The following ATP8A2 variants were observed in gnomAD, a reference collection of about 807,000 sequenced individuals.
ATP8A2 encodes ATPase phospholipid transporting 8A2, also known as phospholipid-transporting ATPase IB.
In ATP8A2, 100 loss-of-function variants were observed where a neutral mutation model predicts 165.6. The ratio of observed to expected loss-of-function variants is 0.60; its 90% CI spans 0.51 to 0.71. The LOEUF is 0.71. ATP8A2 is among the 30% of genes least tolerant of loss of function. The pLI, the probability that ATP8A2 is intolerant of heterozygous loss-of-function variation, is 0.00. For missense variants in ATP8A2, 1,227 were observed against 1,479.5 expected, an observed-to-expected ratio of 0.83 and a Z score of 2.80; for synonymous variants, 543 against 548.8, an observed-to-expected ratio of 0.99 and a Z score of 0.15.
chr13:25,482,708 C>T (rs2036241352), intron 2 of ATP8A2, among the ~76,000 whole-genome samples: 3 of 152,108 alleles, frequency 2.0e-5, no homozygotes, highest in Non-Finnish European at 4.4e-5. Context: ...GGGGCGGTTT[C>T]CCCCATACTA....
chr13:25,780,014 A>G (rs1442386001), intron 27 of ATP8A2, among the ~76,000 whole-genome samples: 1 of 152,218 alleles, frequency 6.6e-6, no homozygotes, highest in Non-Finnish European at 1.5e-5. Context: ...CAGCATTTTA[A>G]GCATGTATTA....
chr13:25,829,971 A>C (rs1951421936), intron 28 of ATP8A2, among the ~76,000 whole-genome samples: 1 of 150,784 alleles, frequency 6.6e-6, no homozygotes, highest in Non-Finnish European at 1.5e-5. Context: ...CCCACCCCAG[A>C]TTAACAAAGA....
At chr13:25,454,151 C>T (rs773206333) in intron 1 of ATP8A2, among the ~76,000 whole-genome samples, 2 of 152,148 alleles carry the variant, frequency 1.3e-5, no homozygotes, top group African/African-American at 2.4e-5. Flanking sequence ...GGGCGAACTG[C>T]GTGGTCTCTT....
chr13:25,621,762 A>G (rs1192422543), intron 24 of ATP8A2, among the ~76,000 whole-genome samples: 1 of 152,230 alleles, frequency 6.6e-6, no homozygotes, highest in Non-Finnish European at 1.5e-5. Flanking sequence ...ACAAATTTGC[A>G]CTGAATTTAG....
intron 33 of ATP8A2, among the ~76,000 whole-genome samples, chr13:25,903,963 G>A (rs941149383): frequency 2.0e-5 from 3 of 151,994 alleles, no homozygotes; most frequent in Non-Finnish European, 2.9e-5. Flanking sequence ...AATCTTCTGG[G>A]GAGCATTTAA....
chr13:25,953,345 G>T lies in ATP8A2; in HGVS notation c.3184-8230G>T, dbSNP rs780657263. Among the ~76,000 whole-genome samples the T allele has an allele frequency of 2.0e-4, 31 of 151,784 alleles. 1 individual carries two copies. Among genetic ancestry groups the T allele is most frequent in the South Asian group, 1.2e-3 (6 of 4,812 alleles). Reference sequence around the variant, plus strand: ...TCTTCTGTAAAATGGGGACGGGGGGGATTAAATAAAATGCTTTATGGGAAG... The same window carrying T: ...TCTTCTGTAAAATGGGGACGGGGGGTATTAAATAAAATGCTTTATGGGAAG... On this transcript the variant is annotated intron_variant, in intron 33 of 36. Transcript: ENST00000381655. The surrounding 1 kb of genome is among the most constrained non-coding windows in gnomAD (Gnocchi z 6.7).
intron 22 of ATP8A2, among the ~76,000 whole-genome samples, chr13:25,581,153 T>A (rs2039765202): frequency 6.6e-6 from 1 of 152,112 alleles, no homozygotes; most frequent in Non-Finnish European, 1.5e-5. Context: ...CAAGTAGAGG[T>A]GCTATGTCCT....
At chr13:25,384,162 G>T (rs2032955585) in intron 1 of ATP8A2, among the ~76,000 whole-genome samples, 1 of 152,162 alleles carries the variant, frequency 6.6e-6, no homozygotes, top group Admixed American at 6.5e-5. Flanking sequence ...CTCCTACCCA[G>T]ATTTGCTGAT....
In ATP8A2 at chr13:25,829,724, C is replaced by T. The variant is rs561338268; in HGVS notation, c.2754+1532C>T. 5.1e-5 allele frequency among the ~76,000 whole-genome samples: 4 copies of T among 78,016 alleles called. No homozygotes were observed. In the South Asian group the frequency reaches 1.8e-3, roughly 34 times the overall value. 51.2% of individuals were successfully genotyped at this position (78,016 alleles called of 152,430 possible). On this transcript the variant is annotated intron_variant, in intron 28 of 36. Transcript: ENST00000381655. ...TATATATATATATATATATATATCA[C>T]CTGCTTATAGTATGAGTGGATTTTA...
chr13:25,707,059 G>T (rs1566065479), intron 25 of ATP8A2, among the ~76,000 whole-genome samples: 2 of 152,090 alleles, frequency 1.3e-5, no homozygotes, highest in Non-Finnish European at 2.9e-5. Context: ...TCCACCCACA[G>T]ATCTTACCAT....
At chr13:25,623,698 T>C (rs532629582) in intron 24 of ATP8A2, among the ~76,000 whole-genome samples, 1 of 152,316 alleles carries the variant, frequency 6.6e-6, no homozygotes, top group East Asian at 1.9e-4. Context: ...GGGAGAATTT[T>C]ATCCTGATGG....
At chr13:25,975,032 CCT>C (rs1956001427) in intron 35 of ATP8A2, among the ~76,000 whole-genome samples, 1 of 152,184 alleles carries the variant, frequency 6.6e-6, no homozygotes, top group Non-Finnish European at 1.5e-5. Flanking sequence ...TTCCACCTCC[CCT>C]GTCCTCCCCA....
chr13:25,887,265 A>G (rs1953186821), intron 33 of ATP8A2, among the ~76,000 whole-genome samples: 1 of 152,134 alleles, frequency 6.6e-6, no homozygotes, highest in South Asian at 2.1e-4. Flanking sequence ...TTATGTATGA[A>G]TATTCTACTT....
rs2038492305 is a variant in ATP8A2, at chr13:25,541,965, A to T, written c.698A>T (p.Lys233Met). 1 of 1,613,962 alleles carries T rather than the reference A, an allele frequency of 6.2e-7. No homozygotes were observed. The highest frequency in any genetic ancestry group is 8.5e-7 in the Non-Finnish European group (1 of 1,179,982). ...ADMQTREVLM[K>M]LSGTIECEGP... ...ATGCAAACACGTGAAGTTCTGATGA[A>T]GTTATCTGGAACTATAGAGTGTGAA... The change falls in exon 9 of 37, where the codon AAG (lysine) becomes ATG (methionine). Residue 233 changes from lysine to methionine, a missense_variant. Physicochemically the swap from Lys to Met is moderately conservative, Grantham distance 95. Coordinates refer to ENST00000381655, the MANE Select transcript of ATP8A2 (RefSeq NM_016529.6).
chr13:25,995,983 G>A (rs74039946), intron 35 of ATP8A2, among the ~76,000 whole-genome samples: 2,929 of 152,236 alleles, frequency 0.019, 82 homozygotes, highest in African/African-American at 0.06. Context: ...ATTCAGGATT[G>A]CTATGTATTC....
intron 35 of ATP8A2, among the ~76,000 whole-genome samples, chr13:25,975,431 A>AT (rs1333068935): frequency 6.6e-6 from 1 of 151,322 alleles, no homozygotes; most frequent in Non-Finnish European, 1.5e-5. Flanking sequence ...CAAAAAAAAA[A>AT]ATTAGCCGGG....
chr13:26,019,797 C>CA (rs1406005937), intron 36 of ATP8A2, 91 bp from the exon 37 acceptor site: 7 of 847,990 alleles, frequency 8.3e-6, no homozygotes, highest in Non-Finnish European at 1.4e-5. Context: ...CACTCACCCG[C>CA]ACGCTGCCAA....
intron 1 of ATP8A2, among the ~76,000 whole-genome samples, chr13:25,430,503 C>T (rs2034578905): frequency 6.6e-6 from 1 of 152,134 alleles, no homozygotes; most frequent in Non-Finnish European, 1.5e-5. Flanking sequence ...AGCAGAAGGC[C>T]ACTGTAGTCG....
chr13:25,545,505 T>TA (rs2038619265), intron 10 of ATP8A2, among the ~76,000 whole-genome samples: 1 of 150,316 alleles, frequency 6.7e-6, no homozygotes, highest in African/African-American at 2.5e-5. Flanking sequence ...AGACCCCATT[T>TA]CAAAAAAAAA....
Sources: gnomAD v4.1 joint callset for allele counts (sites outside exome capture counted in the v4.1 genomes callset) on GRCh38, gnomAD v4.1.1 for gene constraint, Gnocchi (gnomAD v3.1) non-coding constraint, MANE v1.5 for transcripts, NCBI Gene and HGNC (gene_info 2026-07-23, HGNC 2026-07-21) for gene names.